Variants in TCOF1 observed in about 807,000 individuals in gnomAD.
TCOF1 encodes treacle protein.
A neutral mutation model predicts 149.0 loss-of-function variants in TCOF1; 33 were observed. That is an observed-to-expected ratio of 0.22 (90% CI 0.17 to 0.30). The LOEUF (loss-of-function observed/expected upper bound fraction) is 0.30, where lower values mean the gene tolerates loss of function less well. Ranked by LOEUF, TCOF1 falls within the 10% of genes least tolerant of loss-of-function variation. TCOF1 has a pLI of 1.00. For missense variants in TCOF1, 1,728 were observed against 1,840.7 expected (o/e 0.94, Z 1.12); for synonymous variants, 789 against 738.8 (o/e 1.07, Z -1.10).
At chr5:150,398,506 C>A in intron 25 of TCOF1, 55 bp downstream of exon 25, 6 of 1,612,598 alleles carry the variant, frequency 3.7e-6, no homozygotes, top group Non-Finnish European at 5.1e-6. Context: ...CCCAAGCCCC[C>A]TCCTACACAC....
chr5:150,378,745 T>C, intron 14 of TCOF1, 160 bp from the exon 15 acceptor site: 2 of 958,508 alleles, frequency 2.1e-6, no homozygotes, highest in Non-Finnish European at 3.3e-6. Flanking sequence ...AGGACTGAAC[T>C]GAGGCCCAGT....
At chr5:150,380,253 G>T in intron 17 of TCOF1, 1 of 183,584 alleles carries the variant, frequency 5.4e-6, no homozygotes, top group Non-Finnish European at 1.2e-5. Flanking sequence ...GAAGACTTCC[G>T]TAGCTAAAAG....
At chr5:150,393,207 G>A (rs920793405) in intron 22 of TCOF1, 165 bp from the exon 23 acceptor site, 2 of 776,310 alleles carry the variant, frequency 2.6e-6, no homozygotes, top group African/African-American at 3.4e-5. Context: ...ACACGCCAAG[G>A]GCTGAAGTGC....
chr5:150,375,655 A>C lies in TCOF1; in HGVS notation c.1705-66A>C, dbSNP rs374695298. 21 of 1,612,230 alleles carry C rather than the reference A, an allele frequency of 1.3e-5. 1 individual carries two copies. In the South Asian group the frequency reaches 1.6e-4, roughly 13 times the overall value. Reference sequence around the variant, plus strand: ...ACACTGGGACTCTGTCTACAATCTTAGTTTCTTAATGTCTGCACACACCTA... The same window carrying C: ...ACACTGGGACTCTGTCTACAATCTTCGTTTCTTAATGTCTGCACACACCTA... On this transcript the variant is annotated intron_variant, in intron 11 of 26. Coordinates refer to ENST00000643257, the MANE Select transcript of TCOF1 (RefSeq NM_001371623.1).
chr5:150,374,544 T>C, intron 8 of TCOF1, 73 bp from the exon 9 acceptor site: 1 of 1,605,758 alleles, frequency 6.2e-7, no homozygotes, highest in South Asian at 1.1e-5. Flanking sequence ...CTATCTGGTC[T>C]TCTGTACGTG....
chr5:150,363,426 A>AG (rs1760622898), intron 2 of TCOF1, among the ~76,000 whole-genome samples: 1 of 152,188 alleles, frequency 6.6e-6, no homozygotes, highest in African/African-American at 2.4e-5. Context: ...TTCAAAGTCC[A>AG]GGGCCTCAGC....
rs1761743235 is a variant in TCOF1, at chr5:150,368,084, G to C, written c.378+167G>C. Reference sequence around the variant, plus strand: ...GATCTTAGTCCCTTCACCTCTCTGGGCCTCAGTTTACTTTTCTATAAAGAT... The same window carrying C: ...GATCTTAGTCCCTTCACCTCTCTGGCCCTCAGTTTACTTTTCTATAAAGAT... On this transcript the variant is annotated intron_variant, in intron 4 of 26. Transcript: ENST00000643257. 4.4e-6 allele frequency: 3 copies of C among 684,950 alleles called. No homozygotes were observed. In the African/African-American group the frequency reaches 5.4e-5, roughly 12 times the overall value. The allele number at this position is 684,950 out of a possible 1,614,324, so 42.4% of individuals were successfully genotyped here. A position where few individuals can be genotyped will look rare whatever the true frequency, so the allele number is the denominator to read the frequency against.
intron 1 of TCOF1, 103 bp downstream of exon 1, chr5:150,357,957 C>A: frequency 1.6e-6 from 2 of 1,270,608 alleles, no homozygotes; most frequent in South Asian, 1.3e-5. Context: ...GCGCCCGGAG[C>A]CGGGTCCCGC....
At chr5:150,361,607 C>T (rs767790498) in intron 2 of TCOF1, among the ~76,000 whole-genome samples, 6 of 152,156 alleles carry the variant, frequency 3.9e-5, no homozygotes, top group Non-Finnish European at 8.8e-5. Context: ...AAGAATGAAA[C>T]AAATGAATGT....
intron 2 of TCOF1, among the ~76,000 whole-genome samples, chr5:150,361,981 T>C (rs1760211773): frequency 6.6e-6 from 1 of 151,934 alleles, no homozygotes; most frequent in Non-Finnish European, 1.5e-5. Context: ...TGCACCATGG[T>C]GAGACTGGTG....
Position 150,387,341 on chromosome 5 carries a change from G to A in TCOF1, c.2860-561G>A, listed in dbSNP as rs536993971. On this transcript the variant is annotated intron_variant, in intron 17 of 26. Coordinates refer to ENST00000643257, the MANE Select transcript of TCOF1 (RefSeq NM_001371623.1). ...TTCTCTTGTGCATTTTTTTGTTGAAGAAACTGAATTGGTATAGCTGGGGAG... is the reference window on the plus strand; with the variant it reads ...TTCTCTTGTGCATTTTTTTGTTGAAAAAACTGAATTGGTATAGCTGGGGAG... Among the ~76,000 whole-genome samples the A allele has an allele frequency of 2.1e-4, 32 of 152,290 alleles. 1 individual carries two copies. In the East Asian group the frequency reaches 5.0e-3, roughly 24 times the overall value.
In TCOF1 at chr5:150,367,838, T is replaced by C. The variant is rs1761690916; in HGVS notation, c.305-6T>C. 2 of 1,614,026 alleles carry C rather than the reference T, an allele frequency of 1.2e-6. No homozygotes were observed. The highest frequency in any genetic ancestry group is 2.2e-5 in the South Asian group (2 of 91,078). Reference sequence around the variant, plus strand: ...GGCTCCTTTAGCAGATGTTTGTTTCTTGCAGCCCCAAGACTAGCATCTACC... The same window carrying C: ...GGCTCCTTTAGCAGATGTTTGTTTCCTGCAGCCCCAAGACTAGCATCTACC... On this transcript the variant is annotated splice_polypyrimidine_tract_variant and splice_region_variant and intron_variant, in intron 3 of 26. Transcript: ENST00000643257.
At position 150,391,959 on chromosome 5, in the gene TCOF1, T is replaced by C; in HGVS notation, c.3300T>C (p.Val1100=). ...PVARTQPSSG[V]DSAVGTLPAT... Reference sequence around the variant, plus strand: ...TCCTTCTCCTTTCACCGAATTAGGTTGACAGTGCTGTGGGAACACTCCCTG... The same window carrying C: ...TCCTTCTCCTTTCACCGAATTAGGTCGACAGTGCTGTGGGAACACTCCCTG... The change falls in exon 21 of 27, where the codon GTT becomes GTC. Residue 1100 remains valine (V), a splice_region_variant and synonymous_variant. Transcript: ENST00000643257. 6.2e-7 allele frequency: 1 copy of C among 1,614,144 alleles called. No homozygotes were observed. The highest frequency in any genetic ancestry group is 1.6e-4 in the Middle Eastern group (1 of 6,062).
At chr5:150,398,982 G>T in intron 25 of TCOF1, 40 bp from the exon 26 acceptor site, 1 of 1,614,224 alleles carries the variant, frequency 6.2e-7, no homozygotes, top group Non-Finnish European at 8.5e-7. Flanking sequence ...GTGGGGAAAA[G>T]CTGCAGGTCT....
At chr5:150,379,445 G>A (rs1473057120) in intron 16 of TCOF1, 37 bp downstream of exon 16, 1 of 1,614,008 alleles carries the variant, frequency 6.2e-7, no homozygotes, top group African/African-American at 1.3e-5. Context: ...CCCTACATGG[G>A]ATGTAACACC....
At chr5:150,375,670 G>C (rs994555814) in intron 11 of TCOF1, 51 bp from the exon 12 acceptor site, 3 of 1,613,218 alleles carry the variant, frequency 1.9e-6, no homozygotes, top group Non-Finnish European at 2.5e-6. Flanking sequence ...CTTAATGTCT[G>C]CACACACCTA....
In TCOF1 at chr5:150,375,457, C is replaced by G. The variant is rs370764237; in HGVS notation, c.1607C>G (p.Ala536Gly). The G allele has an allele frequency of 6.2e-7, 1 of 1,612,720 alleles. No homozygotes were observed. Among genetic ancestry groups the G allele is most frequent in the African/African-American group, 1.3e-5 (1 of 74,548 alleles). The change falls in exon 11 of 27, where the codon GCC (alanine) becomes GGC (glycine). Residue 536 changes from alanine to glycine, a missense_variant. Ala to Gly is a moderately conservative substitution (Grantham distance 60, BLOSUM62 0). This residue lies in a region of TCOF1 where 1,696 missense variants were observed against 1,765.4 expected (regional missense o/e 0.96). Transcript: ENST00000643257. ...PGKVGPATPS[A>G]QVGKWEEDSE... Reference sequence around the variant, plus strand: ...AAGGTGGGGCCTGCAACCCCCTCAGCCCAGGTGGGGAAGTGGGAGGAGGAC... The same window carrying G: ...AAGGTGGGGCCTGCAACCCCCTCAGGCCAGGTGGGGAAGTGGGAGGAGGAC...
intron 24 of TCOF1, 25 bp from the exon 25 acceptor site, chr5:150,398,326 TTCA>T: frequency 6.2e-7 from 1 of 1,612,814 alleles, no homozygotes; most frequent in African/African-American, 1.3e-5. Flanking sequence ...CCATCTGTTG[TTCA>T]GGAACTTTAC....
chr5:150,373,388 A>G (rs1441297340), intron 7 of TCOF1, among the ~76,000 whole-genome samples: 1 of 152,232 alleles, frequency 6.6e-6, no homozygotes, highest in Non-Finnish European at 1.5e-5. Context: ...TGTTGGCTCA[A>G]AAATTTAAAA....
Sources: allele counts gnomAD v4.1 joint callset (sites outside exome capture counted in the v4.1 genomes callset), GRCh38; gene constraint gnomAD v4.1.1; regional missense constraint gnomAD v4.1.1; transcripts MANE v1.5; gene names NCBI Gene and HGNC (gene_info 2026-07-23, HGNC 2026-07-21).